Variants in RPH3A observed in about 807,000 individuals in gnomAD.
RPH3A encodes the protein rabphilin-3A.
In RPH3A, 48 loss-of-function variants were observed where a neutral mutation model predicts 102.2. The ratio of observed to expected loss-of-function variants is 0.47; its 90% CI spans 0.37 to 0.60. RPH3A has a LOEUF of 0.60. Among genes scored for constraint, RPH3A ranks in the 20% least tolerant of loss-of-function variants. The pLI is 0.00. For synonymous variants in RPH3A, 310 were observed against 324.3 expected, an observed-to-expected ratio of 0.96 and a Z score of 0.47; for missense variants, 781 against 910.1, an observed-to-expected ratio of 0.86 and a Z score of 1.83.
intron 1 of RPH3A, among the ~76,000 whole-genome samples, chr12:112,781,587 T>G (rs1183259473): frequency 2.6e-5 from 4 of 152,206 alleles, no homozygotes; most frequent in Non-Finnish European, 5.9e-5. Context: ...TGTGGTGGTA[T>G]TGGTGGAGGA....
chr12:112,766,877 T>C (rs1248359549), intron 1 of RPH3A, among the ~76,000 whole-genome samples: 1 of 152,124 alleles, frequency 6.6e-6, no homozygotes, highest in Non-Finnish European at 1.5e-5. Context: ...AGCAGAAATA[T>C]GACTGGACCC....
chr12:112,713,225 C>A (rs894987842), intron 1 of RPH3A, among the ~76,000 whole-genome samples: 3 of 151,794 alleles, frequency 2.0e-5, no homozygotes, highest in African/African-American at 7.3e-5. Flanking sequence ...AGCCACCATG[C>A]CTGACATGTA....
intron 1 of RPH3A, among the ~76,000 whole-genome samples, chr12:112,776,057 G>A (rs750310796): frequency 6.6e-6 from 1 of 152,138 alleles, no homozygotes; most frequent in African/African-American, 2.4e-5. Context: ...GAAGAAACTG[G>A]CATAGGTTAG....
chr12:112,873,303 T>G (rs2042738015), intron 10 of RPH3A, among the ~76,000 whole-genome samples: 1 of 152,180 alleles, frequency 6.6e-6, no homozygotes, highest in Non-Finnish European at 1.5e-5. Context: ...GCTAAAACAA[T>G]CTCAAGGTCA....
intron 1 of RPH3A, among the ~76,000 whole-genome samples, chr12:112,697,462 A>G (rs570705544): frequency 6.6e-6 from 1 of 152,358 alleles, no homozygotes; most frequent in East Asian, 1.9e-4. Context: ...GAGAGAAATG[A>G]AGGAAAATCT....
chr12:112,638,164 C>T (rs551500836), intron 1 of RPH3A, among the ~76,000 whole-genome samples: 10 of 152,300 alleles, frequency 6.6e-5, no homozygotes, highest in Non-Finnish European at 1.0e-4. Flanking sequence ...CCCTCTCACC[C>T]TTTCTTGCTT....
chr12:112,609,347 G>A (rs1210148698), intron 1 of RPH3A, among the ~76,000 whole-genome samples: 1 of 152,180 alleles, frequency 6.6e-6, no homozygotes, highest in Non-Finnish European at 1.5e-5. Context: ...GAATTAGACT[G>A]TTCTTCCTAA....
chr12:112,697,545 T>C lies in RPH3A; in HGVS notation c.-139-94598T>C, dbSNP rs138919837. On this transcript the variant is annotated intron_variant, in intron 1 of 21. Transcript: ENST00000543106. Reference sequence around the variant, plus strand: ...TGTTAAGATGTCTAGTCTTCCCAAATTGATTTACAGGCTTAATCTTCACTC... The same window carrying C: ...TGTTAAGATGTCTAGTCTTCCCAAACTGATTTACAGGCTTAATCTTCACTC... Among the ~76,000 whole-genome samples the C allele has an allele frequency of 4.1e-4, 62 of 152,258 alleles. 2 individuals are homozygous for C. Among genetic ancestry groups the C allele is most frequent in the Admixed American group, 1.3e-3 (20 of 15,298 alleles).
At chr12:112,640,325 CAAAAAAAAAAAAAAAAAAAAAAAAAAAAA>C (rs1158230534) in intron 1 of RPH3A, among the ~76,000 whole-genome samples, 2 of 14,062 alleles carry the variant, frequency 1.4e-4, no homozygotes, top group African/African-American at 2.4e-4. Context: ...AACTCCATCT[CAAAAAAAAAAAAAAAAAAAAAAAAAAAAA>C]AAAAAAAAAA....
rs2043182549 is a variant in RPH3A, at chr12:112,896,583, T to C, written c.1955-67T>C. The C allele has an allele frequency of 4.4e-6, 7 of 1,588,686 alleles. No individual in the cohort carries two copies. The East Asian group carries it at 1.6e-4, about 36-fold the overall frequency. Reference sequence around the variant, plus strand: ...TGCTTGGTGCAGTTTTTTCCCCAACTACACATTTGGGTCTAGAACGACCTC... The same window carrying C: ...TGCTTGGTGCAGTTTTTTCCCCAACCACACATTTGGGTCTAGAACGACCTC... On this transcript the variant is annotated intron_variant, in intron 21 of 21. Coordinates refer to ENST00000389385, the MANE Select transcript of RPH3A (RefSeq NM_001143854.2).
At chr12:112,605,019 T>A (rs1592903086) in intron 1 of RPH3A, among the ~76,000 whole-genome samples, 1 of 152,202 alleles carries the variant, frequency 6.6e-6, no homozygotes, top group South Asian at 2.1e-4. Flanking sequence ...CAAGGGGCTC[T>A]ACCTTCAAGG....
chr12:112,595,115 C>G (rs879319439), intron 1 of RPH3A, among the ~76,000 whole-genome samples: 2 of 152,020 alleles, frequency 1.3e-5, no homozygotes, highest in Admixed American at 6.6e-5. Context: ...AATCACTTCA[C>G]CTCTCTGTGC....
chr12:112,868,129 T>A lies in RPH3A; in HGVS notation c.445-301T>A, dbSNP rs538388219. On this transcript the variant is annotated intron_variant, in intron 7 of 21. Coordinates refer to ENST00000389385, the MANE Select transcript of RPH3A (RefSeq NM_001143854.2). ...AGATGGAAGACTTGGAGTTGAGCCC[T>A]TGTTTTTCCATTCTCTAGCTGTGTA... 1.6e-4 allele frequency: 45 copies of A among 277,230 alleles called. No homozygotes were observed. In the East Asian group the frequency reaches 2.9e-3, roughly 18 times the overall value. 17.2% of individuals were successfully genotyped at this position (277,230 alleles called of 1,614,324 possible).
At position 112,871,741 on chromosome 12, in the gene RPH3A, T is replaced by A. The variant is rs188090350; in HGVS notation, c.796+1702T>A. ...ACACACATAATATAGTGTACATATA[T>A]ATACAATAGAATATATAGAAACAGT... On this transcript the variant is annotated intron_variant, in intron 10 of 21. Coordinates refer to ENST00000389385, the MANE Select transcript of RPH3A (RefSeq NM_001143854.2). 3.5e-4 allele frequency among the ~76,000 whole-genome samples: 52 copies of A among 149,720 alleles called. No individual in the cohort carries two copies. In the South Asian group the frequency reaches 6.5e-3, roughly 19 times the overall value.
chr12:112,805,910 T>C (rs886067335), intron 2 of RPH3A, among the ~76,000 whole-genome samples: 19 of 152,210 alleles, frequency 1.2e-4, no homozygotes, highest in African/African-American at 4.3e-4. Context: ...CCCAATAAAA[T>C]GATGAATCTG....
Position 112,887,654 on chromosome 12 carries a change from G to T in RPH3A, c.1437-143G>T, listed in dbSNP as rs928732637. 3.4e-5 allele frequency: 31 copies of T among 915,196 alleles called. 1 individual carries two copies. The highest frequency in any genetic ancestry group is 6.5e-6 in the Non-Finnish European group (4 of 612,638). 56.7% of individuals were successfully genotyped at this position (915,196 alleles called of 1,614,324 possible). On this transcript the variant is annotated intron_variant, in intron 16 of 21. Transcript: ENST00000389385. ...ATAAAGAAGAAGTTAAAGGTACTTGGTCCAGTGATAAATAAACAGGAAATC... is the reference window on the plus strand; with the variant it reads ...ATAAAGAAGAAGTTAAAGGTACTTGTTCCAGTGATAAATAAACAGGAAATC...
rs1430615238 is a variant in RPH3A at position 112,876,699 on chromosome 12, G to A, written c.1004G>A (p.Gly335Glu). ...CCACCCCGAGAGGAGAGAACAGGGG[G>A]AGTCGGGGGCTACCCAGCAGTTGGA... The part of the protein sequence containing the change: ...TAPPREERTG[G>E]VGGYPAVGAR... The change falls in exon 13 of 22, where the codon GGA becomes GAA. Residue 335 changes from glycine to glutamate, a missense_variant. This residue lies in a region of RPH3A where 730 missense variants were observed against 810.0 expected (regional missense o/e 0.90). Transcript: ENST00000389385. 4.0e-5 allele frequency: 65 copies of A among 1,613,506 alleles called. No individual in the cohort carries two copies. The highest frequency in any genetic ancestry group is 1.1e-4 in the East Asian group (5 of 44,866).
intron 1 of RPH3A, among the ~76,000 whole-genome samples, chr12:112,579,290 G>A (rs2039380284): frequency 6.6e-6 from 1 of 152,180 alleles, no homozygotes; most frequent in African/African-American, 2.4e-5. Flanking sequence ...CACCGATTCT[G>A]AGTCCCATAG....
chr12:112,589,316 C>T (rs1351373240), intron 1 of RPH3A, among the ~76,000 whole-genome samples: 1 of 152,178 alleles, frequency 6.6e-6, no homozygotes, highest in East Asian at 1.9e-4. Context: ...TAATCAAATT[C>T]CTGGTGACTT....
Sources: gnomAD v4.1 joint callset for allele counts (sites outside exome capture counted in the v4.1 genomes callset) on GRCh38, gnomAD v4.1.1 for gene constraint, gnomAD v4.1.1 regional missense constraint, MANE v1.5 for transcripts, NCBI Gene and HGNC (gene_info 2026-07-23, HGNC 2026-07-21) for gene names.